FAM83B: variants seen among roughly 807,000 people sequenced by gnomAD.
The protein encoded by FAM83B is protein FAM83B.
FAM83B carries 26 observed loss-of-function variants against 38.8 expected under a neutral mutation model. The observed-to-expected ratio is 0.67, with a 90% CI of 0.49 to 0.93. The LOEUF (loss-of-function observed/expected upper bound fraction) is 0.93, where lower values mean the gene tolerates loss of function less well. FAM83B is among the 40% of genes least tolerant of loss of function. FAM83B has a pLI of 0.00. For synonymous variants in FAM83B, 419 were observed against 423.1 expected (o/e 0.99, Z 0.12); for missense variants, 1,237 against 1,197.3 (o/e 1.03, Z -0.49).
rs1042799849 is a variant in FAM83B, at chr6:54,942,613, A to C, written c.*606A>C. 6.6e-6 allele frequency among the ~76,000 whole-genome samples: 1 copy of C among 151,636 alleles called. No individual in the cohort carries two copies. Reference sequence around the variant, plus strand: ...TTGCAAAGTATCAGCCTCATGTAGTATAATGACATTCGTAGGAATTTATTT... The same window carrying C: ...TTGCAAAGTATCAGCCTCATGTAGTCTAATGACATTCGTAGGAATTTATTT... On this transcript the variant is annotated 3_prime_UTR_variant, in exon 5 of 5. Transcript: ENST00000306858.
Position 54,941,388 on chromosome 6 carries a change from C to T in FAM83B, c.2417C>T (p.Thr806Ile). ...AFYRLCSSSD[T>I]LVSEGEENQK... ...TATAGATTGTGTAGTAGCTCTGACA[C>T]ATTAGTTTCTGAGGGTGAAGAAAAT... The change falls in exon 5 of 5, where the codon ACA (threonine) becomes ATA (isoleucine). Residue 806 changes from threonine (T) to isoleucine (I), a missense_variant. Physicochemically the swap from Thr to Ile is moderately conservative, Grantham distance 89. Coordinates refer to ENST00000306858, the MANE Select transcript of FAM83B (RefSeq NM_001010872.3). The T allele has an allele frequency of 6.2e-7, 1 of 1,613,320 alleles. No individual in the cohort carries two copies. Among genetic ancestry groups the T allele is most frequent in the Non-Finnish European group, 8.5e-7 (1 of 1,179,882 alleles).
At chr6:54,881,348 G>A (rs1423321709) in intron 2 of FAM83B, among the ~76,000 whole-genome samples, 2 of 152,118 alleles carry the variant, frequency 1.3e-5, no homozygotes, top group Non-Finnish European at 2.9e-5. Context: ...CTGTTTCTGT[G>A]TAATCATCAG....
chr6:54,880,445 T>TTTC (rs1554145324), intron 2 of FAM83B, among the ~76,000 whole-genome samples: 2 of 143,856 alleles, frequency 1.4e-5, no homozygotes, highest in East Asian at 2.0e-4. Flanking sequence ...AGGTTTCTTT[T>TTTC]TTTTTTTTTT....
upstream of FAM83B, chr6:54,846,688 C>T (rs1036688903): frequency 1.3e-5 from 2 of 152,250 alleles, no homozygotes; most frequent in Non-Finnish European, 2.9e-5. Context: ...CGGAATCAGC[C>T]TCCCTCCGCG....
chr6:54,892,852 A>T (rs372217302), intron 2 of FAM83B, among the ~76,000 whole-genome samples: 2 of 152,148 alleles, frequency 1.3e-5, no homozygotes, highest in African/African-American at 4.8e-5. Context: ...GGGGCTTAGT[A>T]CCTCCCTTCT....
chr6:54,927,409 A>T, intron 3 of FAM83B, 99 bp from the exon 4 acceptor site: 1 of 994,124 alleles, frequency 1.0e-6, no homozygotes, highest in Non-Finnish European at 1.4e-6. Context: ...CCTTAAGTAA[A>T]TTTTTTTATA....
chr6:54,928,455 ATTG>A (rs1773354707), intron 4 of FAM83B, among the ~76,000 whole-genome samples: 1 of 152,134 alleles, frequency 6.6e-6, no homozygotes. Flanking sequence ...GCCTCATATC[ATTG>A]TTGTGAGGAT....
chr6:54,855,660 A>G (rs1771430499), intron 1 of FAM83B, among the ~76,000 whole-genome samples: 1 of 152,190 alleles, frequency 6.6e-6, no homozygotes, highest in South Asian at 2.1e-4. Flanking sequence ...AGAATAAGAC[A>G]TTTACAGGAA....
Position 54,944,367 on chromosome 6 carries a change from A to T in FAM83B, c.*2360A>T, listed in dbSNP as rs956272826. 1 of 152,196 alleles carries T rather than the reference A, an allele frequency of 6.6e-6. No individual in the cohort carries two copies. The highest frequency in any genetic ancestry group is 2.4e-5 in the African/African-American group (1 of 41,462). The allele number at this position is 152,196 out of a possible 1,614,324, so 9.4% of individuals were successfully genotyped here. A position where few individuals can be genotyped will look rare whatever the true frequency, so the allele number is the denominator to read the frequency against. On this transcript the variant is annotated 3_prime_UTR_variant, in exon 5 of 5. Coordinates refer to ENST00000306858, the MANE Select transcript of FAM83B (RefSeq NM_001010872.3). The stretch of plus-strand genomic sequence containing the variant: ...TGGTAATGCAGCTTTTACTGTCTAC[A>T]TGGTACTGTACATTAGTTTTTAAGC...
intron 2 of FAM83B, among the ~76,000 whole-genome samples, chr6:54,895,841 A>G (rs919473076): frequency 2.6e-5 from 4 of 151,830 alleles, no homozygotes; most frequent in Non-Finnish European, 5.9e-5. Flanking sequence ...CCCAGGTTCA[A>G]GTGATTCTCC....
chr6:54,917,511 T>A (rs1482075315), intron 2 of FAM83B, among the ~76,000 whole-genome samples: 1 of 152,166 alleles, frequency 6.6e-6, no homozygotes, highest in South Asian at 2.1e-4. Context: ...ATATTCATGA[T>A]TGGTGAAAAT....
intron 2 of FAM83B, among the ~76,000 whole-genome samples, chr6:54,883,527 G>C (rs1050677032): frequency 4.1e-4 from 61 of 150,156 alleles, no homozygotes; most frequent in Non-Finnish European, 6.7e-4. Flanking sequence ...GTAGAGACGG[G>C]GGTTCTCCAT....
chr6:54,902,084 T>C (rs2127582433), intron 2 of FAM83B, among the ~76,000 whole-genome samples: 1 of 152,306 alleles, frequency 6.6e-6, no homozygotes, highest in African/African-American at 2.4e-5. Flanking sequence ...CATTATTTCC[T>C]ATATCTCAAT....
chr6:54,922,153 T>C (rs1773186394), intron 2 of FAM83B, among the ~76,000 whole-genome samples: 1 of 152,200 alleles, frequency 6.6e-6, no homozygotes, highest in Admixed American at 6.5e-5. Context: ...ATTGGCTGAG[T>C]GACTTCAATT....
In FAM83B at chr6:54,848,495, T is replaced by C. The variant is rs1292173371; in HGVS notation, c.-61+1669T>C. Among the ~76,000 whole-genome samples, 3 of 152,232 alleles carry C rather than the reference T, an allele frequency of 2.0e-5. No individual in the cohort carries two copies. In the East Asian group the frequency reaches 5.8e-4, roughly 29 times the overall value. Reference sequence around the variant, plus strand: ...GACAAACCACACCTCTGGTGCTGACTCAGTGATGTCTTTTACGTTTATGCC... The same window carrying C: ...GACAAACCACACCTCTGGTGCTGACCCAGTGATGTCTTTTACGTTTATGCC... On this transcript the variant is annotated intron_variant, in intron 1 of 4. Transcript: ENST00000306858.
intron 2 of FAM83B, among the ~76,000 whole-genome samples, chr6:54,876,482 G>A (rs954325376): frequency 3.3e-5 from 5 of 150,548 alleles, no homozygotes; most frequent in East Asian, 1.9e-4. Flanking sequence ...CCATCACCAC[G>A]CCCGGCTCAT....
Position 54,940,919 on chromosome 6 carries a change from A to G in FAM83B, c.1948A>G (p.Asn650Asp), listed in dbSNP as rs889578707. ...CTTGGGTGTAAATAAGCAGACAGAA[A>G]ATCTAAAGAATCAACAGACTGAGAA... Reference protein sequence around the residue: ...KTLGVNKQTENLKNQQTENLL... With the variant: ...KTLGVNKQTEDLKNQQTENLL... Residue 650 changes from asparagine to aspartate, a missense_variant, in exon 5 of 5, where the codon AAT becomes GAT. Coordinates refer to ENST00000306858, the MANE Select transcript of FAM83B (RefSeq NM_001010872.3). The G allele has an allele frequency of 1.2e-6, 2 of 1,613,262 alleles. No homozygotes were observed. Among genetic ancestry groups the G allele is most frequent in the Middle Eastern group, 1.7e-4 (1 of 6,048 alleles).
chr6:54,929,682 AGTT>A (rs1773380144), intron 4 of FAM83B, among the ~76,000 whole-genome samples: 1 of 152,144 alleles, frequency 6.6e-6, no homozygotes, highest in Non-Finnish European at 1.5e-5. Context: ...AAATCATCAC[AGTT>A]GAGGTCCATG....
intron 2 of FAM83B, among the ~76,000 whole-genome samples, chr6:54,870,932 A>G (rs1223292631): frequency 6.6e-6 from 1 of 152,178 alleles, no homozygotes; most frequent in Non-Finnish European, 1.5e-5. Context: ...TAATGTACTC[A>G]GGAGATCTCT....
Sources: allele counts gnomAD v4.1 joint callset (sites outside exome capture counted in the v4.1 genomes callset), GRCh38; gene constraint gnomAD v4.1.1; transcripts MANE v1.5; gene names NCBI Gene and HGNC (gene_info 2026-07-23, HGNC 2026-07-21).